The following CD163L1 variants were observed in gnomAD, a reference collection of about 807,000 sequenced individuals.
CD163L1 encodes CD163 molecule like 1.
A neutral mutation model predicts 165.4 loss-of-function variants in CD163L1; 124 were observed. The ratio of observed to expected loss-of-function variants is 0.75; its 90% CI spans 0.65 to 0.87. CD163L1 has a LOEUF of 0.87. Ranked by LOEUF, CD163L1 falls within the 40% of genes least tolerant of loss-of-function variation. The probability of loss-of-function intolerance (pLI) is 0.00; values close to 1 mark genes in which losing one functional copy is unlikely to be tolerated. For synonymous variants in CD163L1, 585 were observed against 662.2 expected (o/e 0.88, Z 1.79); for missense variants, 1,525 against 1,799.9 (o/e 0.85, Z 2.76).
At chr12:7,407,328 C>T (rs185330746) in intron 4 of CD163L1, among the ~76,000 whole-genome samples, 373 of 152,162 alleles carry the variant, frequency 2.5e-3, no homozygotes, top group African/African-American at 8.6e-3. Flanking sequence ...ACATTTAACT[C>T]CAACTTCTTG....
chr12:7,416,436 G>A (rs1202630046), intron 4 of CD163L1, among the ~76,000 whole-genome samples: 6 of 152,112 alleles, frequency 3.9e-5, no homozygotes, highest in Non-Finnish European at 8.8e-5. Flanking sequence ...GATCCCATTT[G>A]TCAATTTTGG....
Position 7,369,292 on chromosome 12 carries a change from C to A in CD163L1, c.4039+65G>T. On this transcript the variant is annotated intron_variant, in intron 15 of 19. Transcript: ENST00000313599. The surrounding 1 kb of genome is among the most constrained non-coding windows in gnomAD (Gnocchi z 4.9). ...CTTCAGCTCAACTCTCTGAGTGAGC[C>A]TGTTTCCCAGTGTTCTCTACCATTA... 1 of 1,502,854 alleles carries A rather than the reference C, an allele frequency of 6.7e-7. No individual in the cohort carries two copies. The highest frequency in any genetic ancestry group is 1.8e-5 in the Admixed American group (1 of 56,422). The allele number at this position is 1,502,854 out of a possible 1,614,324, so 93.1% of individuals were successfully genotyped here.
rs151012073 is a variant in CD163L1 at position 7,418,234 on chromosome 12, C to G, written c.767-11382G>C. The stretch of plus-strand genomic sequence containing the variant: ...TTGGAAATCAACCCCAAAAGAAACC[C>G]TCAAAACAATGCAAATACATGGAAA... On this transcript the variant is annotated intron_variant, in intron 4 of 19. Coordinates refer to ENST00000313599, the MANE Select transcript of CD163L1 (RefSeq NM_174941.6). 3.9e-3 allele frequency among the ~76,000 whole-genome samples: 599 copies of G among 152,112 alleles called. 5 individuals carry two copies. The highest frequency in any genetic ancestry group is 0.014 in the African/African-American group (564 of 41,518).
intron 4 of CD163L1, among the ~76,000 whole-genome samples, chr12:7,414,221 T>C (rs1948193780): frequency 6.6e-6 from 1 of 151,668 alleles, no homozygotes; most frequent in Non-Finnish European, 1.5e-5. Flanking sequence ...CTAAATAAAA[T>C]CAGGAAAATA....
At chr12:7,373,718 C>T in intron 13 of CD163L1, 78 bp from the exon 14 acceptor site, 3 of 1,283,758 alleles carry the variant, frequency 2.3e-6, no homozygotes, top group Non-Finnish European at 2.2e-6. Flanking sequence ...TCCATTTTTC[C>T]CATGGAAATA....
intron 4 of CD163L1, among the ~76,000 whole-genome samples, chr12:7,415,596 G>T (rs768836453): frequency 1.3e-5 from 2 of 151,586 alleles, no homozygotes; most frequent in Non-Finnish European, 3.0e-5. Flanking sequence ...CCCCCAACAG[G>T]CCCTGGTGTG....
intron 7 of CD163L1, among the ~76,000 whole-genome samples, chr12:7,397,547 T>A (rs753019519): frequency 4.6e-5 from 7 of 152,344 alleles, no homozygotes; most frequent in Non-Finnish European, 7.4e-5. Context: ...CCCTAAATTC[T>A]ACTGTTTCTC....
At chr12:7,424,954 T>A (rs1336850276) in intron 4 of CD163L1, among the ~76,000 whole-genome samples, 1 of 152,130 alleles carries the variant, frequency 6.6e-6, no homozygotes, top group African/African-American at 2.4e-5. Flanking sequence ...CAAGCTACCA[T>A]TGACTTTCTT....
chr12:7,374,389 T>C lies in CD163L1; in HGVS notation c.3409+53A>G. ...ACACTTTACAATTGTGTTGTGTGTG[T>C]GCAAGTGTGTGCACGTGTGTGTAGA... is the stretch of plus-strand genomic sequence containing the variant. On this transcript the variant is annotated intron_variant, in intron 13 of 19. Coordinates refer to ENST00000313599, the MANE Select transcript of CD163L1 (RefSeq NM_174941.6). This position sits in a 1 kb window ranked among gnomAD's most constrained non-coding sequence, Gnocchi z 5.4. The C allele has an allele frequency of 6.6e-7, 1 of 1,516,184 alleles. No individual in the cohort carries two copies. The highest frequency in any genetic ancestry group is 1.9e-5 in the Admixed American group (1 of 52,704). The allele number at this position is 1,516,184 out of a possible 1,614,324, so 93.9% of individuals were successfully genotyped here.
the CD163L1 span, chr12:7,322,581 C>T: frequency 5.1e-6 from 8 of 1,565,406 alleles, no homozygotes; most frequent in East Asian, 1.8e-4. Flanking sequence ...TATGTGGGGG[C>T]CTTTCTGCCC....
chr12:7,378,540 T>G (rs781075259), intron 9 of CD163L1, among the ~76,000 whole-genome samples: 1 of 152,216 alleles, frequency 6.6e-6, no homozygotes, highest in Non-Finnish European at 1.5e-5. Flanking sequence ...CACTTGGATC[T>G]AATACCTCTT....
At chr12:7,421,574 CAT>C (rs1948421640) in intron 4 of CD163L1, among the ~76,000 whole-genome samples, 5 of 118,990 alleles carry the variant, frequency 4.2e-5, no homozygotes, top group African/African-American at 1.4e-4. Flanking sequence ...TACATATATA[CAT>C]GTACATATAT....
At chr12:7,382,376 T>C (rs926712641) in intron 8 of CD163L1, among the ~76,000 whole-genome samples, 3 of 151,320 alleles carry the variant, frequency 2.0e-5, no homozygotes, top group Non-Finnish European at 2.9e-5. Flanking sequence ...AAACAGCAAG[T>C]AGATAATTTC....
At chr12:7,377,810 A>G (rs185741387) in intron 9 of CD163L1, among the ~76,000 whole-genome samples, 6 of 152,298 alleles carry the variant, frequency 3.9e-5, no homozygotes, top group Non-Finnish European at 7.4e-5. Context: ...TTATGTCAAT[A>G]AACTATTAAA....
In CD163L1 at chr12:7,375,497, A is replaced by T. The variant is rs757855473; in HGVS notation, c.2785T>A (p.Trp929Arg). Residue 929 changes from tryptophan (W) to arginine (R), a missense_variant, in exon 11 of 20, where the codon TGG (tryptophan) becomes AGG (arginine). By Grantham distance (101) the Trp-to-Arg change is moderately radical. Transcript: ENST00000313599. ...AGAACACGGGCATCTTCTGGGTCCC[A>T]GTGGGTGTCACACAGTGAGCCCCAG... Reference protein sequence around the residue: ...GHWGSLCDTHWDPEDARVLCR... With the variant: ...GHWGSLCDTHRDPEDARVLCR... 1 of 1,614,164 alleles carries T rather than the reference A, an allele frequency of 6.2e-7. No homozygotes were observed. The highest frequency in any genetic ancestry group is 8.5e-7 in the Non-Finnish European group (1 of 1,180,022).
chr12:7,388,061 G>A (rs1162370215), intron 8 of CD163L1, among the ~76,000 whole-genome samples: 2 of 152,124 alleles, frequency 1.3e-5, no homozygotes, highest in Non-Finnish European at 2.9e-5. Flanking sequence ...ATGCTGGGAA[G>A]ACTGGATATC....
intron 2 of CD163L1, chr12:7,440,048 T>G: frequency 8.1e-7 from 1 of 1,236,894 alleles, no homozygotes; most frequent in South Asian, 1.3e-5. Flanking sequence ...CAGCAGCTCC[T>G]CGCGTTCCGC....
intron 5 of CD163L1, among the ~76,000 whole-genome samples, chr12:7,404,064 A>G (rs1180356708): frequency 6.6e-6 from 1 of 152,192 alleles, no homozygotes; most frequent in Non-Finnish European, 1.5e-5. Flanking sequence ...AGATTGTTTC[A>G]TAACGACTTG....
chr12:7,366,537 T>G (rs7976661), intron 18 of CD163L1, among the ~76,000 whole-genome samples: 62,398 of 151,860 alleles, frequency 0.41, 13,790 homozygotes, highest in South Asian at 0.63. Flanking sequence ...AAACAAAGTT[T>G]AAAAACAATG....
Sources: allele counts gnomAD v4.1 joint callset (sites outside exome capture counted in the v4.1 genomes callset), GRCh38; gene constraint gnomAD v4.1.1; non-coding constraint Gnocchi (gnomAD v3.1); transcripts MANE v1.5; gene names NCBI Gene and HGNC (gene_info 2026-07-23, HGNC 2026-07-21).